Variants in FMN2 observed in about 807,000 individuals in gnomAD.
The protein encoded by FMN2 is formin-2.
In FMN2, 51 loss-of-function variants were observed where a neutral mutation model predicts 142.3. The observed-to-expected ratio is 0.36, with a 90% CI of 0.29 to 0.45. The LOEUF is 0.45. Ranked by LOEUF, FMN2 falls within the 20% of genes least tolerant of loss-of-function variation. The pLI is 1.00. For missense variants in FMN2, 1,936 were observed against 2,122.8 expected, an observed-to-expected ratio of 0.91 and a Z score of 1.73; for synonymous variants, 882 against 869.8, an observed-to-expected ratio of 1.01 and a Z score of -0.25.
Position 240,092,213 on chromosome 1 carries a change from C to T in FMN2, c.104C>T (p.Thr35Ile). ...DALGPRDVEATKKGSGGKKAL... is the reference protein window; with the variant it reads ...DALGPRDVEAIKKGSGGKKAL... Reference sequence around the variant, plus strand: ...CTGGGGCCCAGGGATGTGGAAGCCACAAAGAAGGGGAGCGGGGGCAAGAAG... The same window carrying T: ...CTGGGGCCCAGGGATGTGGAAGCCATAAAGAAGGGGAGCGGGGGCAAGAAG... Residue 35 changes from threonine to isoleucine, a missense_variant, in exon 1 of 18, where the codon ACA (threonine) becomes ATA (isoleucine). By Grantham distance (89) the Thr-to-Ile change is moderately conservative. Coordinates refer to ENST00000319653, the MANE Select transcript of FMN2 (RefSeq NM_020066.5). 1 of 1,579,078 alleles carries T rather than the reference C, an allele frequency of 6.3e-7. No individual in the cohort carries two copies. Among genetic ancestry groups the T allele is most frequent in the African/African-American group, 1.4e-5 (1 of 73,552 alleles).
chr1:240,257,726 A>G (rs1352406311), intron 6 of FMN2, among the ~76,000 whole-genome samples: 1 of 152,182 alleles, frequency 6.6e-6, no homozygotes, highest in African/African-American at 2.4e-5. Context: ...TTTGAGGCTG[A>G]TGGTGAATAA....
chr1:240,232,759 T>C (rs1419375277), intron 6 of FMN2, among the ~76,000 whole-genome samples: 1 of 152,186 alleles, frequency 6.6e-6, no homozygotes, highest in Admixed American at 6.5e-5. Context: ...GTTACTAATA[T>C]GGTTTCACAG....
In FMN2 at chr1:240,241,826, T is replaced by C. The variant is rs12088816; in HGVS notation, c.4066-16119T>C. Among the ~76,000 whole-genome samples the C allele has an allele frequency of 5.6e-3, 114 of 20,458 alleles. 1 individual carries two copies. Among genetic ancestry groups the C allele is most frequent in the South Asian group, 6.0e-3 (3 of 496 alleles). 13.4% of individuals were successfully genotyped at this position (20,458 alleles called of 152,430 possible). ...TTTTCTTTATTTTAGTGTGCCTTGC[T>C]TTTTTTTTTTTTTTTTTTTTTTTTT... On this transcript the variant is annotated intron_variant, in intron 6 of 17. Transcript: ENST00000319653.
chr1:240,323,256 C>T (rs1223016097), intron 8 of FMN2, among the ~76,000 whole-genome samples: 2 of 151,358 alleles, frequency 1.3e-5, no homozygotes, highest in African/African-American at 4.9e-5. Context: ...GTGCAGTGGC[C>T]CAATCTCGGC....
intron 6 of FMN2, among the ~76,000 whole-genome samples, chr1:240,242,134 C>A (rs922473314): frequency 6.6e-6 from 1 of 152,132 alleles, no homozygotes; most frequent in Non-Finnish European, 1.5e-5. Context: ...CGTGAGCCAC[C>A]GCGCCCGGCT....
Position 240,329,189 on chromosome 1 carries a change from G to A in FMN2, c.4307+22G>A, listed in dbSNP as rs6686257. 1.3e-3 allele frequency: 2,077 copies of A among 1,613,216 alleles called. 32 individuals carry two copies. The African/African-American group carries it at 0.025, about 19-fold the overall frequency. On this transcript the variant is annotated intron_variant, in intron 9 of 17. Transcript: ENST00000319653. The stretch of plus-strand genomic sequence containing the variant: ...AACAGTAAGCATGTCTTATAACCAC[G>A]TAGAGGGCGTCCAGGCTATGGGTGG...
chr1:240,421,675 A>G (rs973987373), intron 15 of FMN2, among the ~76,000 whole-genome samples: 1 of 152,080 alleles, frequency 6.6e-6, no homozygotes, highest in Non-Finnish European at 1.5e-5. Context: ...TTCATTTTTT[A>G]TTATGACCAA....
chr1:240,289,966 G>A (rs1353833000), intron 7 of FMN2, among the ~76,000 whole-genome samples: 1 of 152,158 alleles, frequency 6.6e-6, no homozygotes, highest in Non-Finnish European at 1.5e-5. Context: ...GTTAGAATAA[G>A]AAGCATGTAC....
At chr1:240,289,375 T>C (rs1669698266) in intron 7 of FMN2, among the ~76,000 whole-genome samples, 1 of 152,090 alleles carries the variant, frequency 6.6e-6, no homozygotes, top group Admixed American at 6.6e-5. Flanking sequence ...TCATATTGAA[T>C]TATACAAATA....
intron 6 of FMN2, among the ~76,000 whole-genome samples, chr1:240,246,619 C>A (rs1572111571): frequency 6.6e-6 from 1 of 152,232 alleles, no homozygotes; most frequent in Non-Finnish European, 1.5e-5. Context: ...AAACAAAGAA[C>A]CTCAGTCCCA....
intron 1 of FMN2, among the ~76,000 whole-genome samples, chr1:240,121,149 T>C (rs1045725573): frequency 1.4e-5 from 2 of 140,118 alleles, no homozygotes; most frequent in African/African-American, 5.9e-5. Context: ...AAAGTCTATC[T>C]CAAAAAAAAA....
intron 2 of FMN2, among the ~76,000 whole-genome samples, chr1:240,126,057 T>C (rs1360003508): frequency 3.9e-5 from 6 of 152,120 alleles, no homozygotes; most frequent in South Asian, 2.1e-4. Flanking sequence ...TGTTATGCCC[T>C]ATACTTAAAT....
At chr1:240,297,489 G>A (rs1204274567) in intron 8 of FMN2, among the ~76,000 whole-genome samples, 1 of 151,376 alleles carries the variant, frequency 6.6e-6, no homozygotes, top group African/African-American at 2.4e-5. Context: ...CCAGCTACTC[G>A]GGAGGCTAAG....
At chr1:240,319,178 C>A (rs1670885878) in intron 8 of FMN2, among the ~76,000 whole-genome samples, 1 of 151,974 alleles carries the variant, frequency 6.6e-6, no homozygotes, top group African/African-American at 2.4e-5. Context: ...AAGAGATTCA[C>A]AAGAAGAAGA....
chr1:240,370,252 C>A (rs535926323), intron 14 of FMN2, among the ~76,000 whole-genome samples: 4 of 152,118 alleles, frequency 2.6e-5, no homozygotes, highest in African/African-American at 4.8e-5. Context: ...TTTACCCCAG[C>A]TTTTTTGTGT....
chr1:240,434,203 C>T (rs1270278309), intron 15 of FMN2, among the ~76,000 whole-genome samples: 1 of 152,102 alleles, frequency 6.6e-6, no homozygotes, highest in Non-Finnish European at 1.5e-5. Context: ...TCTTCATGTG[C>T]CAGGGTCATT....
chr1:240,145,480 T>C (rs1663408404), intron 2 of FMN2: 1 of 281,222 alleles, frequency 3.6e-6, no homozygotes, highest in Non-Finnish European at 6.5e-6. Context: ...GTATTTGACA[T>C]GCACTTAATG....
chr1:240,252,341 C>T (rs368837062), intron 6 of FMN2, among the ~76,000 whole-genome samples: 1 of 152,092 alleles, frequency 6.6e-6, no homozygotes, highest in East Asian at 1.9e-4. Context: ...TGTGCATTTG[C>T]TCTACCAGTA....
At chr1:240,315,458 T>G (rs1217278081) in intron 8 of FMN2, among the ~76,000 whole-genome samples, 2 of 152,232 alleles carry the variant, frequency 1.3e-5, no homozygotes, top group African/African-American at 4.8e-5. Flanking sequence ...ACTCTCTTAA[T>G]AAGGATGTAG....
Sources: allele counts gnomAD v4.1 joint callset (sites outside exome capture counted in the v4.1 genomes callset), GRCh38; gene constraint gnomAD v4.1.1; transcripts MANE v1.5; gene names NCBI Gene and HGNC (gene_info 2026-07-23, HGNC 2026-07-21).